The following NRXN1 variants were observed in gnomAD, a reference collection of about 807,000 sequenced individuals.
NRXN1 encodes neurexin-1.
Under a neutral mutation model 150.9 loss-of-function variants are expected in NRXN1, and 39 were observed. That is an observed-to-expected ratio of 0.26 (90% CI 0.20 to 0.34). The LOEUF (loss-of-function observed/expected upper bound fraction) is 0.34, where lower values mean the gene tolerates loss of function less well. NRXN1 is among the 10% of genes least tolerant of loss of function. The pLI, the probability that NRXN1 is intolerant of heterozygous loss-of-function variation, is 1.00. For synonymous variants in NRXN1, 924 were observed against 757.0 expected, an observed-to-expected ratio of 1.22 and a Z score of -3.62; for missense variants, 1,815 against 1,949.9, an observed-to-expected ratio of 0.93 and a Z score of 1.30.
At chr2:50,281,253 C>A (rs1376237882) in intron 17 of NRXN1, among the ~76,000 whole-genome samples, 1 of 151,662 alleles carries the variant, frequency 6.6e-6, no homozygotes, top group Non-Finnish European at 1.5e-5. Context: ...GGAGGCGGAG[C>A]TTGCAGTGAG....
rs1161865745 is a variant in NRXN1 at position 50,019,947 on chromosome 2, C to CAAAAAAAAAAAAA, written c.4128+33311_4128+33323dup. 1.2e-3 allele frequency among the ~76,000 whole-genome samples: 54 copies of CAAAAAAAAAAAAA among 43,344 alleles called. 3 individuals are homozygous for CAAAAAAAAAAAAA. Among genetic ancestry groups the CAAAAAAAAAAAAA allele is most frequent in the East Asian group, 3.8e-3 (4 of 1,056 alleles). 28.4% of individuals were successfully genotyped at this position (43,344 alleles called of 152,430 possible). A position where few individuals can be genotyped will look rare whatever the true frequency, so the allele number is the denominator to read the frequency against. Reference sequence around the variant, plus strand: ...TGGGTGACAAAGCAAGACTCCGTCTCAAAAAAAAAAAAAAAAAAAAAAAAA... The same window carrying CAAAAAAAAAAAAA: ...TGGGTGACAAAGCAAGACTCCGTCTCAAAAAAAAAAAAAAAAAAAAAAAAAAAAAAAAAAAAAA... On this transcript the variant is annotated intron_variant, in intron 21 of 22. Coordinates refer to ENST00000401669, the MANE Select transcript of NRXN1 (RefSeq NM_001330078.2).
Position 50,496,009 on chromosome 2 carries a change from T to G in NRXN1, c.2966A>C (p.His989Pro), listed in dbSNP as rs1310168323. ...GGTGTCCCTTGATATCATCACGTTG[T>G]GCCACTGATTGTCATTGAGAGGTTT... is the stretch of plus-strand genomic sequence containing the variant. ...SNKPLNDNQW[H>P]NVMISRDTSN... The change falls in exon 15 of 23, where the codon CAC (histidine) becomes CCC (proline). Residue 989 changes from histidine (H) to proline (P), a missense_variant. This residue lies in a region of NRXN1 where 339 missense variants were observed against 440.3 expected (regional missense o/e 0.77). Transcript: ENST00000401669. The G allele has an allele frequency of 6.2e-7, 1 of 1,613,748 alleles. No homozygotes were observed. The highest frequency in any genetic ancestry group is 1.3e-5 in the African/African-American group (1 of 75,036).
intron 8 of NRXN1, among the ~76,000 whole-genome samples, chr2:50,577,335 T>C (rs1671589167): frequency 1.3e-5 from 2 of 151,942 alleles, no homozygotes; most frequent in East Asian, 1.9e-4. Flanking sequence ...CTGTAATAGA[T>C]AAATGTTAGC....
At chr2:50,874,577 G>A (rs1025627022) in intron 5 of NRXN1, among the ~76,000 whole-genome samples, 9 of 151,712 alleles carry the variant, frequency 5.9e-5, no homozygotes, top group African/African-American at 2.2e-4. Flanking sequence ...CCTAAAAAGT[G>A]TATTTTCATC....
At chr2:50,107,972 T>C (rs1180003948) in intron 18 of NRXN1, among the ~76,000 whole-genome samples, 1 of 151,996 alleles carries the variant, frequency 6.6e-6, no homozygotes, top group Admixed American at 6.6e-5. Flanking sequence ...GTCATAAAAA[T>C]GTCACTTGCT....
chr2:50,154,910 AATT>A (rs2058922037), intron 18 of NRXN1, among the ~76,000 whole-genome samples: 1 of 151,658 alleles, frequency 6.6e-6, no homozygotes. Context: ...AATGTATTAA[AATT>A]ATTAAGATCA....
chr2:50,436,404 G>A (rs2085442813), intron 17 of NRXN1, among the ~76,000 whole-genome samples: 1 of 151,424 alleles, frequency 6.6e-6, no homozygotes, highest in Non-Finnish European at 1.5e-5. Context: ...GGTGGGCCGA[G>A]ATAGTGCTAT....
chr2:50,102,671 T>A (rs1229433391), intron 18 of NRXN1, among the ~76,000 whole-genome samples: 1 of 152,032 alleles, frequency 6.6e-6, no homozygotes, highest in Non-Finnish European at 1.5e-5. Context: ...AGGAACTGAA[T>A]AATTTAAGCA....
chr2:49,960,996 A>G (rs1286194546), intron 21 of NRXN1, among the ~76,000 whole-genome samples: 2 of 152,282 alleles, frequency 1.3e-5, no homozygotes, highest in East Asian at 3.9e-4. Context: ...GCTTTTTTTC[A>G]TGTAAAATGA....
At chr2:50,249,590 G>C (rs1000482597) in intron 17 of NRXN1, among the ~76,000 whole-genome samples, 1 of 151,652 alleles carries the variant, frequency 6.6e-6, no homozygotes, top group South Asian at 2.1e-4. Context: ...CTGAAATCCA[G>C]CTTTTTCTCA....
chr2:50,033,942 A>T, intron 21 of NRXN1, among the ~76,000 whole-genome samples: 1 of 151,118 alleles, frequency 6.6e-6, no homozygotes, highest in Non-Finnish European at 1.5e-5. Flanking sequence ...ATCTCACACC[A>T]GCCAGAATGG....
chr2:50,654,092 C>T (rs1247134443), intron 5 of NRXN1, among the ~76,000 whole-genome samples: 4 of 148,086 alleles, frequency 2.7e-5, no homozygotes, highest in African/African-American at 7.5e-5. Flanking sequence ...AGGTTTGTTA[C>T]ATATGTATAC....
intron 17 of NRXN1, among the ~76,000 whole-genome samples, chr2:50,377,837 G>A (rs538450496): frequency 9.2e-5 from 14 of 152,268 alleles, no homozygotes; most frequent in African/African-American, 1.2e-4. Flanking sequence ...GGTTGAATCC[G>A]AATATTTTCA....
intron 2 of NRXN1, among the ~76,000 whole-genome samples, chr2:50,980,491 T>A (rs140176852): frequency 6.6e-6 from 1 of 152,276 alleles, no homozygotes; most frequent in Admixed American, 6.5e-5. Context: ...TTAGAACATT[T>A]TTCTTTGCTT....
At position 50,121,126 on chromosome 2, in the gene NRXN1, C is replaced by T. The variant is rs141225481; in HGVS notation, c.3547-29632G>A. Among the ~76,000 whole-genome samples the T allele has an allele frequency of 6.4e-4, 98 of 152,288 alleles. 1 individual carries two copies. The East Asian group carries it at 0.018, about 27-fold the overall frequency. ...TGCAACCTCTGCCTCCGGGTTCAAG[C>T]GATTCTCCTGCCTCAGCCTCCCAAG... On this transcript the variant is annotated intron_variant, in intron 18 of 22. Coordinates refer to ENST00000401669, the MANE Select transcript of NRXN1 (RefSeq NM_001330078.2).
At chr2:50,084,346 C>T (rs1051274524) in intron 19 of NRXN1, among the ~76,000 whole-genome samples, 1 of 152,162 alleles carries the variant, frequency 6.6e-6, no homozygotes, top group African/African-American at 2.4e-5. Context: ...GGTTCCGAGC[C>T]CTGCCCCGCA....
chr2:49,920,604 C>T lies in NRXN1; in HGVS notation c.*1340G>A, dbSNP rs1325387014. ...TTTGTCATCAATACCTTGGCACAACCCTCTTCCTTCCTGCTTTTCAATTTG... is the reference window on the plus strand; with the variant it reads ...TTTGTCATCAATACCTTGGCACAACTCTCTTCCTTCCTGCTTTTCAATTTG... On this transcript the variant is annotated 3_prime_UTR_variant, in exon 23 of 23. Coordinates refer to ENST00000401669, the MANE Select transcript of NRXN1 (RefSeq NM_001330078.2). The T allele has an allele frequency of 1.3e-5, 2 of 152,342 alleles. No individual in the cohort carries two copies. Among genetic ancestry groups the T allele is most frequent in the Non-Finnish European group, 2.9e-5 (2 of 68,006 alleles). 9.4% of individuals were successfully genotyped at this position (152,342 alleles called of 1,614,324 possible).
chr2:50,818,450 A>AT (rs1400554242), intron 5 of NRXN1, among the ~76,000 whole-genome samples: 3 of 151,912 alleles, frequency 2.0e-5, no homozygotes, highest in South Asian at 2.1e-4. Flanking sequence ...AATTGGTTTA[A>AT]TTTTTTATTT....
chr2:51,017,770 C>G (rs941582840), intron 2 of NRXN1, among the ~76,000 whole-genome samples: 4 of 151,924 alleles, frequency 2.6e-5, no homozygotes, highest in African/African-American at 9.7e-5. Flanking sequence ...GTAAATTAAA[C>G]ATTTAACATT....
Sources: gnomAD v4.1 joint callset for allele counts (sites outside exome capture counted in the v4.1 genomes callset) on GRCh38, gnomAD v4.1.1 for gene constraint, gnomAD v4.1.1 regional missense constraint, MANE v1.5 for transcripts, NCBI Gene and HGNC (gene_info 2026-07-23, HGNC 2026-07-21) for gene names.